A2ML1: variants seen among roughly 807,000 people sequenced by gnomAD.
The protein encoded by A2ML1 is alpha-2-macroglobulin-like protein 1.
A2ML1 carries 161 observed loss-of-function variants against 181.9 expected under a neutral mutation model. That is an observed-to-expected ratio of 0.89 (90% CI 0.78 to 1.01). A2ML1 has a LOEUF of 1.01. Among genes scored for constraint, A2ML1 ranks in the 50% least tolerant of loss-of-function variants. The probability of loss-of-function intolerance (pLI) is 0.00; values close to 1 mark genes in which losing one functional copy is unlikely to be tolerated. For synonymous variants in A2ML1, 663 were observed against 666.8 expected (o/e 0.99, Z 0.09); for missense variants, 1,670 against 1,768.1 (o/e 0.94, Z 1.00).
intron 18 of A2ML1, 131 bp downstream of exon 18, chr12:8,850,405 T>C: frequency 1.9e-6 from 1 of 523,490 alleles, no homozygotes; most frequent in South Asian, 2.8e-5. Flanking sequence ...GGCAACATAA[T>C]GAGCTTCTGT....
intron 5 of A2ML1, 151 bp from the exon 6 acceptor site, chr12:8,835,356 C>A: frequency 2.5e-6 from 2 of 796,896 alleles, no homozygotes; most frequent in Admixed American, 2.8e-5. Context: ...TTATAAATAA[C>A]ACAGGGAGCT....
Position 8,868,614 on chromosome 12 carries a change from G to A in A2ML1, c.4139G>A (p.Gly1380Asp). Reference protein sequence around the residue: ...KMLSGFSPMEGTNQLLLQQPL... With the variant: ...KMLSGFSPMEDTNQLLLQQPL... ...CTATCTGGGTTCAGTCCCATGGAGG[G>A]CACCAATCAGTTAGTAAGTTACTTC... Residue 1380 changes from glycine to aspartate, a missense_variant, in exon 32 of 36, where the codon GGC becomes GAC. Physicochemically the swap from Gly to Asp is moderately conservative, Grantham distance 94 (BLOSUM62 -1). Transcript: ENST00000299698. The A allele has an allele frequency of 1.2e-6, 2 of 1,613,690 alleles. No homozygotes were observed. The highest frequency in any genetic ancestry group is 1.7e-6 in the Non-Finnish European group (2 of 1,179,914).
Position 8,846,239 on chromosome 12 carries a change from G to A in A2ML1, c.1683+17G>A. On this transcript the variant is annotated intron_variant, in intron 14 of 35. Transcript: ENST00000299698. ...GACAATCAGGTAAAATGATAGCGGA[G>A]AAGGGTGAAGATAAAAGTTGGGCAT... is the stretch of plus-strand genomic sequence containing the variant. The A allele has an allele frequency of 6.2e-7, 1 of 1,613,338 alleles. No individual in the cohort carries two copies. The highest frequency in any genetic ancestry group is 2.2e-5 in the East Asian group (1 of 44,866).
intron 33 of A2ML1, 24 bp from the exon 34 acceptor site, chr12:8,874,401 C>G (rs750847215): frequency 4.5e-6 from 7 of 1,541,326 alleles, no homozygotes; most frequent in Non-Finnish European, 6.3e-6. Context: ...TTCTAAGGTA[C>G]TGTTTCATCT....
At chr12:8,845,025 G>A in intron 12 of A2ML1, 3 of 1,431,598 alleles carry the variant, frequency 2.1e-6, no homozygotes, top group Non-Finnish European at 1.8e-6. Flanking sequence ...GGCTCAGGGT[G>A]GTTTAGGATG....
intron 2 of A2ML1, 115 bp downstream of exon 2, chr12:8,823,480 C>T (rs1942815886): frequency 7.9e-7 from 1 of 1,273,598 alleles, no homozygotes; most frequent in Non-Finnish European, 1.1e-6. Context: ...GCCTCTAAAC[C>T]TATTTTTTCT....
exon 8 of A2ML1, chr12:8,886,748 G>A (rs1004727261): frequency 3.3e-5 from 5 of 152,122 alleles, no homozygotes; most frequent in African/African-American, 1.2e-4. Context: ...GAAGACATCA[G>A]TCACATTGGA....
chr12:8,840,357 CAA>C lies in A2ML1; in HGVS notation c.1081-997_1081-996del, dbSNP rs11296029. Among the ~76,000 whole-genome samples the C allele has an allele frequency of 6.5e-3, 857 of 132,842 alleles. 5 individuals carry two copies. The highest frequency in any genetic ancestry group is 0.029 in the East Asian group (129 of 4,406). 87.1% of individuals were successfully genotyped at this position (132,842 alleles called of 152,430 possible). A position where few individuals can be genotyped will look rare whatever the true frequency, so the allele number is the denominator to read the frequency against. On this transcript the variant is annotated intron_variant, in intron 10 of 35. Transcript: ENST00000299698. ...CCTGGGCGATAGAGCGAGACTGTCT[CAA>C]AAAAAAAAAAAAAAGATAAATACAT...
chr12:8,861,717 G>A (rs1263392660), intron 28 of A2ML1, among the ~76,000 whole-genome samples: 1 of 151,710 alleles, frequency 6.6e-6, no homozygotes, highest in Non-Finnish European at 1.5e-5. Context: ...TCGATCTCCT[G>A]ACCTCATGAT....
At chr12:8,847,098 C>CTTTTTTTTTTTT (rs1212257948) in intron 14 of A2ML1, among the ~76,000 whole-genome samples, 172 of 93,192 alleles carry the variant, frequency 1.8e-3, no homozygotes, top group East Asian at 2.6e-3. Context: ...CCATGCCTGG[C>CTTTTTTTTTTTT]TTTTTTTTTT....
chr12:8,829,880 AGGCCCTCTG>A, intron 4 of A2ML1, 101 bp downstream of exon 4: 2 of 1,466,188 alleles, frequency 1.4e-6, no homozygotes, highest in Non-Finnish European at 1.9e-6. Flanking sequence ...TGGCAAGGCG[AGGCCCTCTG>A]GGTTGGAGAC....
Position 8,835,606 on chromosome 12 carries a change from A to G in A2ML1, c.583A>G (p.Thr195Ala). The change falls in exon 6 of 36, where the codon ACC (threonine) becomes GCC (alanine). Residue 195 changes from threonine (T) to alanine (A), a missense_variant. Transcript: ENST00000299698. ...FQLAPEAMLGTYTVAVAEGKT... is the reference protein window; with the variant it reads ...FQLAPEAMLGAYTVAVAEGKT... ...ACTGGCACCAGAGGCAATGCTGGGC[A>G]CCTACACTGTGGCAGTGGCTGAGGG... The G allele has an allele frequency of 1.2e-6, 2 of 1,614,200 alleles. No individual in the cohort carries two copies. The highest frequency in any genetic ancestry group is 1.7e-6 in the Non-Finnish European group (2 of 1,180,030).
chr12:8,850,407 A>G (rs1304646670), intron 18 of A2ML1, 133 bp downstream of exon 18: 1 of 515,272 alleles, frequency 1.9e-6, no homozygotes, highest in Non-Finnish European at 3.3e-6. Flanking sequence ...CAACATAATG[A>G]GCTTCTGTCT....
chr12:8,824,275 G>C (rs1279425959), intron 3 of A2ML1, among the ~76,000 whole-genome samples: 1 of 142,348 alleles, frequency 7.0e-6, no homozygotes, highest in African/African-American at 2.6e-5. Context: ...TCCTTACAGG[G>C]GCACTTCATT....
At chr12:8,842,849 A>G (rs1379156831) in intron 11 of A2ML1, among the ~76,000 whole-genome samples, 1 of 152,232 alleles carries the variant, frequency 6.6e-6, no homozygotes, top group Non-Finnish European at 1.5e-5. Context: ...ACGTTCATCT[A>G]TCCCAGGAAT....
At chr12:8,850,121 T>C (rs922772931) in intron 17 of A2ML1, 39 bp from the exon 18 acceptor site, 17 of 1,492,964 alleles carry the variant, frequency 1.1e-5, no homozygotes, top group Non-Finnish European at 1.4e-5. Flanking sequence ...ACAAGAAGTC[T>C]CCTGTTTCCT....
chr12:8,828,918 T>TGA (rs1943018631), intron 3 of A2ML1, among the ~76,000 whole-genome samples: 1 of 152,180 alleles, frequency 6.6e-6, no homozygotes, highest in Non-Finnish European at 1.5e-5. Flanking sequence ...CTTTCCCCTG[T>TGA]GATTGGGCAG....
chr12:8,878,440 C>T (rs1260439282), downstream of A2ML1, among the ~76,000 whole-genome samples: 1 of 152,122 alleles, frequency 6.6e-6, no homozygotes, highest in African/African-American at 2.4e-5. The surrounding 1 kb of genome is among the most constrained non-coding windows in gnomAD (Gnocchi z 4.4). Context: ...TAAGTGGGAG[C>T]TAAACCTGTT....
intron 3 of A2ML1, among the ~76,000 whole-genome samples, chr12:8,825,255 T>G (rs1031663087): frequency 3.9e-5 from 6 of 152,170 alleles, no homozygotes; most frequent in Non-Finnish European, 8.8e-5. Context: ...TCACCAGCAT[T>G]TATTATTGTT....
Sources: gnomAD v4.1 joint callset for allele counts (sites outside exome capture counted in the v4.1 genomes callset) on GRCh38, gnomAD v4.1.1 for gene constraint, Gnocchi (gnomAD v3.1) non-coding constraint, MANE v1.5 for transcripts, NCBI Gene and HGNC (gene_info 2026-07-23, HGNC 2026-07-21) for gene names.